FHL2: variants seen among roughly 807,000 people sequenced by gnomAD.
The protein encoded by FHL2 is four and a half LIM domains 2.
In FHL2, 20 loss-of-function variants were observed where a neutral mutation model predicts 32.7. The ratio of observed to expected loss-of-function variants is 0.61; its 90% CI spans 0.43 to 0.89. The LOEUF is 0.89. Ranked by LOEUF, FHL2 falls within the 40% of genes least tolerant of loss-of-function variation. FHL2 has a pLI of 0.00. For synonymous variants in FHL2, 123 were observed against 128.1 expected (o/e 0.96, Z 0.27); for missense variants, 311 against 358.6 (o/e 0.87, Z 1.07).
intron 1 of FHL2, among the ~76,000 whole-genome samples, chr2:105,417,576 C>T (rs1683969721): frequency 6.7e-6 from 1 of 149,682 alleles, no homozygotes; most frequent in African/African-American, 2.5e-5. Flanking sequence ...CCCAGCTACT[C>T]AGGAGGCTGA....
rs1209072995 is a variant in FHL2, at chr2:105,396,754, T to A, written c.-75-57A>T. The A allele has an allele frequency of 4.6e-6, 7 of 1,513,020 alleles. No homozygotes were observed. The Middle Eastern group carries it at 5.1e-4, about 109-fold the overall frequency. The allele number at this position is 1,513,020 out of a possible 1,614,324, so 93.7% of individuals were successfully genotyped here. ...GGTCATCTTGAGGAAGCGAACTCAG[T>A]ATAATGCAACTTGAGATGGACACTT... On this transcript the variant is annotated intron_variant, in intron 1 of 6. Coordinates refer to ENST00000530340, the MANE Select transcript of FHL2 (RefSeq NM_001318895.3).
At chr2:105,377,999 C>G in intron 3 of FHL2, 2 of 462,644 alleles carry the variant, frequency 4.3e-6, no homozygotes, top group East Asian at 1.4e-4. Flanking sequence ...GACTGACCTT[C>G]AAGAAAAACT....
chr2:105,420,601 G>GGGAT (rs1684072014), intron 1 of FHL2, among the ~76,000 whole-genome samples: 1 of 152,172 alleles, frequency 6.6e-6, no homozygotes, highest in Non-Finnish European at 1.5e-5. Context: ...GGCAGAGAGA[G>GGGAT]GGATGGCGAG....
chr2:105,404,980 C>T (rs72945057), intron 1 of FHL2, among the ~76,000 whole-genome samples: 8,653 of 152,262 alleles, frequency 0.057, 269 homozygotes, highest in Middle Eastern at 0.085. Context: ...ACAGTTTCCA[C>T]TGTGGCTTTG....
intron 1 of FHL2, among the ~76,000 whole-genome samples, chr2:105,417,787 C>G (rs1283363743): frequency 6.6e-6 from 1 of 151,448 alleles, no homozygotes; most frequent in Admixed American, 6.6e-5. Flanking sequence ...GTTGTTTTGT[C>G]AAGGTCATTC....
At chr2:105,421,738 G>T (rs1684108195) in intron 1 of FHL2, among the ~76,000 whole-genome samples, 2 of 152,260 alleles carry the variant, frequency 1.3e-5, no homozygotes, top group Middle Eastern at 6.8e-3. Context: ...ACCAAGAGAG[G>T]TATCCCAGCC....
intron 1 of FHL2, among the ~76,000 whole-genome samples, chr2:105,410,245 C>T (rs1683752489): frequency 2.0e-5 from 3 of 152,248 alleles, no homozygotes; most frequent in Admixed American, 2.0e-4. Flanking sequence ...GCTAGGAGAA[C>T]ACCTGAGCAG....
At chr2:105,430,160 C>A (rs1402321811) in intron 1 of FHL2, among the ~76,000 whole-genome samples, 1 of 152,186 alleles carries the variant, frequency 6.6e-6, no homozygotes, top group East Asian at 1.9e-4. Context: ...TGAATCCTAA[C>A]AAGAACACTG....
intron 1 of FHL2, among the ~76,000 whole-genome samples, chr2:105,436,105 T>C (rs1406086788): frequency 6.6e-6 from 1 of 152,180 alleles, no homozygotes; most frequent in African/African-American, 2.4e-5. Flanking sequence ...AAACATTAAA[T>C]TGCTCAGAAC....
In FHL2 at chr2:105,363,272, C is replaced by T; in HGVS notation, c.688+13G>A. On this transcript the variant is annotated intron_variant, in intron 6 of 6. Transcript: ENST00000530340. ...CCAATCGCCCCTGGAAATGGGAACC[C>T]CGGGACACTCACCGCTGATGGGGTT... 6.2e-7 allele frequency: 1 copy of T among 1,613,360 alleles called. No individual in the cohort carries two copies. The highest frequency in any genetic ancestry group is 8.5e-7 in the Non-Finnish European group (1 of 1,179,416).
intron 3 of FHL2, 46 bp downstream of exon 3, chr2:105,386,315 T>C: frequency 3.1e-6 from 5 of 1,597,536 alleles, no homozygotes; most frequent in Non-Finnish European, 4.3e-6. Flanking sequence ...GAAACCCGTG[T>C]TTCCTAGGGG....
rs201618023 is a variant in FHL2 at position 105,433,355 on chromosome 2, A to AT, written c.-25+5043dup. On this transcript the variant is annotated intron_variant, in intron 1 of 5. Coordinates refer to the FHL2 transcript ENST00000393352. ...TCCACCATGCCCAGCTAATTTTGGTATTTTTTAGGAGAGGCAGGGTTTCCC... is the reference window on the plus strand; with the variant it reads ...TCCACCATGCCCAGCTAATTTTGGTATTTTTTTAGGAGAGGCAGGGTTTCCC... 8.3e-3 allele frequency among the ~76,000 whole-genome samples: 1,256 copies of AT among 151,982 alleles called. 15 individuals carry two copies. Among genetic ancestry groups the AT allele is most frequent in the African/African-American group, 0.029 (1,194 of 41,464 alleles).
rs1382613094 is a variant in FHL2, at chr2:105,373,399, T to C, written c.331+160A>G. ...GCCCATGATAGAACCTGTATGTCCC[T>C]GCTTCGTAAGTACTCTAAATACTCC... On this transcript the variant is annotated intron_variant, in intron 4 of 6. Transcript: ENST00000530340. The C allele has an allele frequency of 1.3e-5, 9 of 719,738 alleles. No homozygotes were observed. In the East Asian group the frequency reaches 2.2e-4, roughly 17 times the overall value. 44.6% of individuals were successfully genotyped at this position (719,738 alleles called of 1,614,324 possible). A position where few individuals can be genotyped will look rare whatever the true frequency, so the allele number is the denominator to read the frequency against.
chr2:105,408,350 C>T (rs1683697858), intron 1 of FHL2, among the ~76,000 whole-genome samples: 1 of 152,176 alleles, frequency 6.6e-6, no homozygotes, highest in Non-Finnish European at 1.5e-5. Context: ...TGACTATCAC[C>T]ATCCAAACCC....
At chr2:105,369,277 C>T (rs868373572) in intron 4 of FHL2, among the ~76,000 whole-genome samples, 3 of 152,210 alleles carry the variant, frequency 2.0e-5, no homozygotes, top group African/African-American at 4.8e-5. Flanking sequence ...TTATAGGAGT[C>T]TATAGACTAG....
intron 2 of FHL2, among the ~76,000 whole-genome samples, chr2:105,391,627 T>A (rs1282488985): frequency 1.3e-5 from 2 of 152,202 alleles, no homozygotes; most frequent in African/African-American, 4.8e-5. Flanking sequence ...AGTGAAAGTT[T>A]ACTGCATGGA....
At chr2:105,408,906 G>A (rs945581444) in intron 1 of FHL2, among the ~76,000 whole-genome samples, 1 of 152,158 alleles carries the variant, frequency 6.6e-6, no homozygotes, top group Non-Finnish European at 1.5e-5. Context: ...CAGTTTCAGA[G>A]GGACCCTACA....
upstream of FHL2, chr2:105,399,364 G>A (rs1344667468): frequency 2.0e-6 from 3 of 1,535,856 alleles, no homozygotes; most frequent in African/African-American, 2.7e-5. Context: ...TGCCCACGCC[G>A]GGATCTCTGC....
intron 3 of FHL2, among the ~76,000 whole-genome samples, chr2:105,379,893 C>T (rs1162909568): frequency 1.3e-5 from 2 of 152,198 alleles, no homozygotes; most frequent in East Asian, 1.9e-4. Flanking sequence ...GCCACGCCGG[C>T]GACCTAGTTT....
Sources: allele counts gnomAD v4.1 joint callset (sites outside exome capture counted in the v4.1 genomes callset), GRCh38; gene constraint gnomAD v4.1.1; transcripts MANE v1.5; gene names NCBI Gene and HGNC (gene_info 2026-07-23, HGNC 2026-07-21).